Variants in MYO1E observed in about 807,000 individuals in gnomAD.
MYO1E encodes the protein myosin IE.
Under a neutral mutation model 151.1 loss-of-function variants are expected in MYO1E, and 68 were observed. The observed-to-expected ratio is 0.45, with a 90% CI of 0.37 to 0.55. The LOEUF (loss-of-function observed/expected upper bound fraction) is 0.55. Among genes scored for constraint, MYO1E ranks in the 20% least tolerant of loss-of-function variants. MYO1E has a pLI of 0.00. For synonymous variants in MYO1E, 601 were observed against 501.7 expected (o/e 1.20, Z -2.64); for missense variants, 1,363 against 1,389.3 (o/e 0.98, Z 0.30).
In MYO1E at chr15:59,327,900, G is replaced by A. The variant is rs546109175; in HGVS notation, c.3+44598C>T. ...GGACTGCCATTTCCAGACATGTCTT[G>A]GGAAGGGCTGAAACTTCTCATCAGT... On this transcript the variant is annotated intron_variant, in intron 1 of 27. Transcript: ENST00000288235. 7.9e-5 allele frequency among the ~76,000 whole-genome samples: 12 copies of A among 152,354 alleles called. No homozygotes were observed. In the South Asian group the frequency reaches 2.5e-3, roughly 32 times the overall value.
Position 59,137,548 on chromosome 15 carries a change from G to C in MYO1E, c.3251-92C>G, listed in dbSNP as rs924964653. 8.7e-6 allele frequency: 9 copies of C among 1,033,314 alleles called. No homozygotes were observed. In the African/African-American group the frequency reaches 1.3e-4, roughly 14 times the overall value. 64.0% of individuals were successfully genotyped at this position (1,033,314 alleles called of 1,614,324 possible). On this transcript the variant is annotated intron_variant, in intron 27 of 27. Coordinates refer to ENST00000288235, the MANE Select transcript of MYO1E (RefSeq NM_004998.4). ...CCGCTCCCATGGGCTCAAGTGATTT[G>C]GCTCCATCCATGTTGTTTTCCCTTT...
In MYO1E at chr15:59,195,590, G is replaced by A. The variant is rs1341615677; in HGVS notation, c.1699-23C>T. On this transcript the variant is annotated intron_variant, in intron 16 of 27. Transcript: ENST00000288235. ...TTTCTAGAAAGGAAGAACAGTATCA[G>A]AATCATGGAACTTTCTCTAAAGAAG... The A allele has an allele frequency of 5.7e-6, 9 of 1,589,518 alleles. No homozygotes were observed. The African/African-American group carries it at 8.1e-5, about 14-fold the overall frequency.
At chr15:59,199,191 G>C (rs1322747274) in intron 16 of MYO1E, among the ~76,000 whole-genome samples, 1 of 152,038 alleles carries the variant, frequency 6.6e-6, no homozygotes, top group Non-Finnish European at 1.5e-5. Flanking sequence ...CCACCTCCTG[G>C]GCTCAACCAA....
chr15:59,353,369 A>AAGAAAAG (rs1555422218), intron 1 of MYO1E, among the ~76,000 whole-genome samples: 2 of 96,850 alleles, frequency 2.1e-5, no homozygotes, highest in African/African-American at 4.2e-5. Context: ...AAAAAAAAAA[A>AAGAAAAG]AAAAGAAAAG....
At chr15:59,162,097 T>C (rs1333406187) in intron 23 of MYO1E, among the ~76,000 whole-genome samples, 1 of 152,146 alleles carries the variant, frequency 6.6e-6, no homozygotes, top group Non-Finnish European at 1.5e-5. Context: ...CGTGCAGTGG[T>C]GCGGTCTCAG....
chr15:59,332,488 C>T (rs1455831897), intron 1 of MYO1E, among the ~76,000 whole-genome samples: 2 of 152,156 alleles, frequency 1.3e-5, no homozygotes, highest in African/African-American at 4.8e-5. Context: ...AGGGAGGCCA[C>T]GTCCATTCTC....
chr15:59,277,558 A>AAAAAACAACAAC (rs1555416369), intron 1 of MYO1E, among the ~76,000 whole-genome samples: 2 of 118,474 alleles, frequency 1.7e-5, no homozygotes, highest in African/African-American at 8.7e-5. Flanking sequence ...CAAAAAAAAA[A>AAAAAACAACAAC]AAAAAAAAAA....
chr15:59,265,353 T>C (rs1404349435), intron 2 of MYO1E, among the ~76,000 whole-genome samples: 3 of 152,178 alleles, frequency 2.0e-5, no homozygotes, highest in Non-Finnish European at 2.9e-5. Flanking sequence ...TCAATAAATA[T>C]GAATTCAGTT....
At chr15:59,262,075 G>A (rs1163844121) in intron 2 of MYO1E, among the ~76,000 whole-genome samples, 2 of 151,946 alleles carry the variant, frequency 1.3e-5, no homozygotes, top group Non-Finnish European at 1.5e-5. Flanking sequence ...GGTGGCACAC[G>A]CCTGTAGTCC....
Position 59,153,589 on chromosome 15 carries a change from C to G in MYO1E, c.3080+1G>C, listed in dbSNP as rs1471546135. The G allele has an allele frequency of 6.2e-7, 1 of 1,613,942 alleles. No homozygotes were observed. The highest frequency in any genetic ancestry group is 1.7e-5 in the Admixed American group (1 of 60,026). On this transcript the variant is annotated splice_donor_variant, in intron 26 of 27. Transcript: ENST00000288235. LOFTEE classifies it high-confidence loss of function. The stretch of plus-strand genomic sequence containing the variant: ...TCATCCAGAGGATGTGAGAATCTTA[C>G]CCTGCAGCTCCCTGGTCCGGGACCT...
intron 18 of MYO1E, among the ~76,000 whole-genome samples, chr15:59,186,071 C>G (rs913000688): frequency 2.6e-5 from 4 of 152,174 alleles, no homozygotes; most frequent in African/African-American, 9.7e-5. Context: ...TCTACAAATA[C>G]CTTTTCTCAA....
chr15:59,169,782 G>A (rs1359073300), intron 22 of MYO1E, among the ~76,000 whole-genome samples: 1 of 152,112 alleles, frequency 6.6e-6, no homozygotes, highest in African/African-American at 2.4e-5. Context: ...AGAAATTTGA[G>A]TGTGAACAGT....
chr15:59,334,317 A>G (rs1182899293), intron 1 of MYO1E, among the ~76,000 whole-genome samples: 1 of 152,238 alleles, frequency 6.6e-6, no homozygotes, highest in Admixed American at 6.5e-5. Flanking sequence ...AACTAAAAGT[A>G]TAATTGGAAT....
At chr15:59,354,282 A>C (rs1180488529) in intron 1 of MYO1E, among the ~76,000 whole-genome samples, 1 of 152,242 alleles carries the variant, frequency 6.6e-6, no homozygotes, top group Admixed American at 6.5e-5. Flanking sequence ...CCTCTAGCAC[A>C]GGTGGATGGC....
At chr15:59,160,630 G>A (rs1460817939) in intron 24 of MYO1E, among the ~76,000 whole-genome samples, 1 of 151,904 alleles carries the variant, frequency 6.6e-6, no homozygotes, top group Admixed American at 6.6e-5. Flanking sequence ...TGTTACTCAG[G>A]CTGGTCTGGA....
At chr15:59,318,893 C>T (rs1427719891) in intron 1 of MYO1E, among the ~76,000 whole-genome samples, 9 of 152,164 alleles carry the variant, frequency 5.9e-5, no homozygotes, top group African/African-American at 1.9e-4. Flanking sequence ...ATCTGACTTC[C>T]TGTCTTATAG....
At chr15:59,282,012 T>G (rs1471048192) in intron 1 of MYO1E, among the ~76,000 whole-genome samples, 3 of 152,006 alleles carry the variant, frequency 2.0e-5, no homozygotes, top group African/African-American at 7.3e-5. Context: ...TACACCAGTG[T>G]GGGGTTGTAC....
In MYO1E at chr15:59,133,811, G is replaced by T. The variant is rs1288829499; in HGVS notation, c.*3569C>A. The T allele has an allele frequency of 6.6e-6, 1 of 152,280 alleles. No individual in the cohort carries two copies. Among genetic ancestry groups the T allele is most frequent in the East Asian group, 1.9e-4 (1 of 5,194 alleles). 9.4% of individuals were successfully genotyped at this position (152,280 alleles called of 1,614,324 possible). The stretch of plus-strand genomic sequence containing the variant: ...CTTAACTGGGACAACACCTATAAAA[G>T]AAATGGTAGCAACTAGAGGCACAGG... On this transcript the variant is annotated 3_prime_UTR_variant, in exon 28 of 28. Coordinates refer to ENST00000288235, the MANE Select transcript of MYO1E (RefSeq NM_004998.4).
At chr15:59,267,097 C>A (rs1433327135) in intron 2 of MYO1E, among the ~76,000 whole-genome samples, 15 of 129,208 alleles carry the variant, frequency 1.2e-4, no homozygotes, top group Admixed American at 7.0e-4. Context: ...GCAATCTCGG[C>A]TCACTGCAAC....
Sources: allele counts gnomAD v4.1 joint callset (sites outside exome capture counted in the v4.1 genomes callset), GRCh38; gene constraint gnomAD v4.1.1; transcripts MANE v1.5; gene names NCBI Gene and HGNC (gene_info 2026-07-23, HGNC 2026-07-21).